The following PHC3 variants were observed in gnomAD, a reference collection of about 807,000 sequenced individuals.
PHC3 encodes the protein polyhomeotic-like protein 3.
A neutral mutation model predicts 107.4 loss-of-function variants in PHC3; 13 were observed. The observed-to-expected ratio is 0.12, with a 90% CI of 0.08 to 0.19. The LOEUF (loss-of-function observed/expected upper bound fraction) is 0.19. PHC3 is among the 10% of genes least tolerant of loss of function. The probability of loss-of-function intolerance (pLI) is 1.00; values close to 1 mark genes in which losing one functional copy is unlikely to be tolerated. For synonymous variants in PHC3, 456 were observed against 427.4 expected (o/e 1.07, Z -0.83); for missense variants, 992 against 1,210.9 (o/e 0.82, Z 2.68).
intron 9 of PHC3, among the ~76,000 whole-genome samples, chr3:170,119,765 G>C (rs1459156368): frequency 6.6e-6 from 1 of 151,542 alleles, no homozygotes; most frequent in Non-Finnish European, 1.5e-5. Context: ...TATAACAACT[G>C]AATCTCAGAT....
chr3:170,168,208 C>T (rs1729030398), intron 4 of PHC3, among the ~76,000 whole-genome samples: 2 of 147,274 alleles, frequency 1.4e-5, no homozygotes, highest in African/African-American at 5.1e-5. Flanking sequence ...GAAAGGAAGG[C>T]TAAAATTCTC....
intron 4 of PHC3, among the ~76,000 whole-genome samples, chr3:170,160,025 T>C (rs1307980441): frequency 6.6e-6 from 1 of 152,204 alleles, no homozygotes; most frequent in South Asian, 2.1e-4. Context: ...AAAATTCTTA[T>C]CATACTGTCC....
At chr3:170,170,379 T>C (rs1729405338) in intron 4 of PHC3, 1 of 149,552 alleles carries the variant, frequency 6.7e-6, no homozygotes, top group Non-Finnish European at 1.5e-5. Context: ...TGCCGGCATC[T>C]AGTAGCCAGG....
rs573165755 is a variant in PHC3, at chr3:170,087,928, T to C, written c.*9302A>G. On this transcript the variant is annotated 3_prime_UTR_variant, in exon 15 of 15. Coordinates refer to ENST00000495893, the MANE Select transcript of PHC3 (RefSeq NM_024947.4). ...TACTTAATATGAAAGTGCTTTCTCT[T>C]TTTTAAAAAAATACACCAAATGGAC... 7 of 152,304 alleles carry C rather than the reference T, an allele frequency of 4.6e-5. No individual in the cohort carries two copies. The highest frequency in any genetic ancestry group is 1.7e-4 in the African/African-American group (7 of 41,582). The allele number at this position is 152,304 out of a possible 1,614,324, so 9.4% of individuals were successfully genotyped here.
In PHC3 at chr3:170,106,396, T is replaced by C. The variant is rs1036947719; in HGVS notation, c.2468+436A>G. 3.9e-4 allele frequency among the ~76,000 whole-genome samples: 59 copies of C among 152,090 alleles called. 1 individual carries two copies. The stretch of plus-strand genomic sequence containing the variant: ...GGATGATTCAAACAAATGAAAACAT[T>C]TTAAAACAACACAAAGTAAATCAAA... On this transcript the variant is annotated intron_variant, in intron 12 of 14. Coordinates refer to ENST00000495893, the MANE Select transcript of PHC3 (RefSeq NM_024947.4).
chr3:170,104,896 G>A lies in PHC3; in HGVS notation c.2468+1936C>T, dbSNP rs531956860. On this transcript the variant is annotated intron_variant, in intron 12 of 14. Transcript: ENST00000495893. ...ATCAACTGATAAAACTTCTTTATCC[G>A]TTAAGAAAAGAATAGAAAAGAGGCT... Among the ~76,000 whole-genome samples, 20 of 152,146 alleles carry A rather than the reference G, an allele frequency of 1.3e-4. No individual in the cohort carries two copies. The South Asian group carries it at 2.9e-3, about 22-fold the overall frequency.
chr3:170,128,458 G>A (rs1286406239), intron 8 of PHC3: 1 of 1,201,268 alleles, frequency 8.3e-7, no homozygotes, highest in Admixed American at 3.0e-5. Context: ...AATTAACGAG[G>A]GACTTTAATT....
chr3:170,127,402 G>A (rs937528761), intron 8 of PHC3, among the ~76,000 whole-genome samples: 10 of 152,138 alleles, frequency 6.6e-5, no homozygotes, highest in African/African-American at 2.2e-4. Flanking sequence ...CCTCAGCTCA[G>A]GTGATCTGCC....
At chr3:170,181,626 T>G in intron 1 of PHC3, 76 bp downstream of exon 1, 1 of 1,606,896 alleles carries the variant, frequency 6.2e-7, no homozygotes, top group Admixed American at 1.7e-5. Flanking sequence ...AGCCCTGAGC[T>G]TTCCCCTGGG....
intron 6 of PHC3, among the ~76,000 whole-genome samples, chr3:170,144,620 T>G (rs1724661375): frequency 6.6e-6 from 1 of 152,204 alleles, no homozygotes; most frequent in South Asian, 2.1e-4. Flanking sequence ...AGAGTCTGGA[T>G]GCTCCACATT....
In PHC3 at chr3:170,089,093, G is replaced by A. The variant is rs562351521; in HGVS notation, c.*8137C>T. 3.2e-4 allele frequency: 48 copies of A among 152,322 alleles called. No homozygotes were observed. Among genetic ancestry groups the A allele is most frequent in the African/African-American group, 1.1e-3 (46 of 41,546 alleles). The allele number at this position is 152,322 out of a possible 1,614,324, so 9.4% of individuals were successfully genotyped here. Reference sequence around the variant, plus strand: ...AAGGTGGGAGAATCTATTGAACCTGGGAGGTGGAGGTTGCATTGAGCCAAG... The same window carrying A: ...AAGGTGGGAGAATCTATTGAACCTGAGAGGTGGAGGTTGCATTGAGCCAAG... On this transcript the variant is annotated 3_prime_UTR_variant, in exon 15 of 15. Coordinates refer to ENST00000495893, the MANE Select transcript of PHC3 (RefSeq NM_024947.4).
intron 4 of PHC3, among the ~76,000 whole-genome samples, chr3:170,154,452 C>A (rs998618712): frequency 6.6e-6 from 1 of 151,364 alleles, no homozygotes; most frequent in African/African-American, 2.4e-5. Context: ...GTGATTCTTT[C>A]AAAAAACAGT....
intron 2 of PHC3, among the ~76,000 whole-genome samples, chr3:170,173,819 T>G (rs1228462667): frequency 6.6e-6 from 1 of 152,208 alleles, no homozygotes. Context: ...AGATTAGAGG[T>G]GATTTTTAGC....
intron 9 of PHC3, among the ~76,000 whole-genome samples, chr3:170,122,375 A>C (rs1720514727): frequency 6.6e-6 from 1 of 152,226 alleles, no homozygotes; most frequent in Non-Finnish European, 1.5e-5. Flanking sequence ...AGGCCAAGGC[A>C]GTAAAATCAC....
Position 170,097,165 on chromosome 3 carries a change from C to T in PHC3, c.*65G>A. 1.3e-6 allele frequency: 2 copies of T among 1,512,792 alleles called. No homozygotes were observed. Among genetic ancestry groups the T allele is most frequent in the South Asian group, 2.6e-5 (2 of 75,676 alleles). 93.7% of individuals were successfully genotyped at this position (1,512,792 alleles called of 1,614,324 possible). On this transcript the variant is annotated 3_prime_UTR_variant, in exon 15 of 15. Coordinates refer to ENST00000495893, the MANE Select transcript of PHC3 (RefSeq NM_024947.4). This position sits in a 1 kb window ranked among gnomAD's most constrained non-coding sequence, Gnocchi z 4.1. ...GTGTCATATTCTAGACCAAGTTAGGCCTTTACCTTACAAGTTTTTGTGAGA... is the reference window on the plus strand; with the variant it reads ...GTGTCATATTCTAGACCAAGTTAGGTCTTTACCTTACAAGTTTTTGTGAGA...
chr3:170,132,340 T>G (rs914968529), intron 7 of PHC3, among the ~76,000 whole-genome samples: 1 of 152,148 alleles, frequency 6.6e-6, no homozygotes, highest in African/African-American at 2.4e-5. Context: ...ATCTGGCTAT[T>G]AAGGACAGCA....
At chr3:170,126,394 G>A (rs114244359) in intron 8 of PHC3, among the ~76,000 whole-genome samples, 1,713 of 151,392 alleles carry the variant, frequency 0.011, 28 homozygotes, top group African/African-American at 0.039. Flanking sequence ...AGTGATAGCA[G>A]AGAAAGTTAT....
At chr3:170,145,553 A>G in intron 5 of PHC3, 32 bp from the exon 6 acceptor site, 1 of 1,508,294 alleles carries the variant, frequency 6.6e-7, no homozygotes, top group Non-Finnish European at 9.2e-7. Context: ...AAAATACCCT[A>G]AGACAAAAGA....
chr3:170,171,879 T>C (rs2108752667), intron 3 of PHC3, among the ~76,000 whole-genome samples: 1 of 152,324 alleles, frequency 6.6e-6, no homozygotes, highest in East Asian at 1.9e-4. Flanking sequence ...GAAATAAACC[T>C]TTTTCAGGTT....
Sources: gnomAD v4.1 joint callset for allele counts (sites outside exome capture counted in the v4.1 genomes callset) on GRCh38, gnomAD v4.1.1 for gene constraint, Gnocchi (gnomAD v3.1) non-coding constraint, MANE v1.5 for transcripts, NCBI Gene and HGNC (gene_info 2026-07-23, HGNC 2026-07-21) for gene names.